The following GALNT18 variants were observed in gnomAD, a reference collection of about 807,000 sequenced individuals.
The protein encoded by GALNT18 is polypeptide N-acetylgalactosaminyltransferase 18.
A neutral mutation model predicts 69.5 loss-of-function variants in GALNT18; 44 were observed. The ratio of observed to expected loss-of-function variants is 0.63; its 90% CI spans 0.50 to 0.81. The LOEUF (loss-of-function observed/expected upper bound fraction) is 0.81, where lower values mean the gene tolerates loss of function less well. Ranked by LOEUF, GALNT18 falls within the 40% of genes least tolerant of loss-of-function variation. The pLI, the probability that GALNT18 is intolerant of heterozygous loss-of-function variation, is 0.00. For missense variants in GALNT18, 715 were observed against 810.0 expected, an observed-to-expected ratio of 0.88 and a Z score of 1.42; for synonymous variants, 364 against 318.2, an observed-to-expected ratio of 1.14 and a Z score of -1.53.
chr11:11,530,152 G>A (rs1374869551), intron 1 of GALNT18, among the ~76,000 whole-genome samples: 1 of 152,170 alleles, frequency 6.6e-6, no homozygotes, highest in East Asian at 1.9e-4. Context: ...AAGGAGGCCA[G>A]GCCAGCCAGA....
chr11:11,288,285 T>G (rs1387078047), intron 10 of GALNT18, among the ~76,000 whole-genome samples: 1 of 152,172 alleles, frequency 6.6e-6, no homozygotes, highest in Admixed American at 6.5e-5. Context: ...CAACAGACAA[T>G]GGATTCCTAC....
At position 11,461,481 on chromosome 11, in the gene GALNT18, G is replaced by A. The variant is rs1856041557; in HGVS notation, c.236-12545C>T. On this transcript the variant is annotated intron_variant, in intron 1 of 10. Transcript: ENST00000227756. This position sits in a 1 kb window ranked among gnomAD's most constrained non-coding sequence, Gnocchi z 4.1. Reference sequence around the variant, plus strand: ...TCAGAATTTATATGTGCCATTACTTGCTACTTTAAAGCAACCTTTAAAGCT... The same window carrying A: ...TCAGAATTTATATGTGCCATTACTTACTACTTTAAAGCAACCTTTAAAGCT... Among the ~76,000 whole-genome samples the A allele has an allele frequency of 6.6e-6, 1 of 152,156 alleles. No individual in the cohort carries two copies. The highest frequency in any genetic ancestry group is 6.5e-5 in the Admixed American group (1 of 15,278).
chr11:11,452,339 CCTT>C (rs1164303051), intron 1 of GALNT18, among the ~76,000 whole-genome samples: 4 of 152,206 alleles, frequency 2.6e-5, no homozygotes, highest in Admixed American at 2.0e-4. Context: ...AACAATAGTG[CCTT>C]CTTCATAGAA....
rs1214656457 is a variant in GALNT18 at position 11,318,228 on chromosome 11, CA to C, written c.1512+8857del. On this transcript the variant is annotated intron_variant, in intron 9 of 10. Coordinates refer to ENST00000227756, the MANE Select transcript of GALNT18 (RefSeq NM_198516.3). The surrounding 1 kb of genome is among the most constrained non-coding windows in gnomAD (Gnocchi z 5.1). ...GGAGGTGAACTGGGTTGGATTGTGT[CA>C]CCCCAAAATTCATATGTTAAAGTCC... Among the ~76,000 whole-genome samples, 1 of 152,126 alleles carries C rather than the reference CA, an allele frequency of 6.6e-6. No homozygotes were observed. Among genetic ancestry groups the C allele is most frequent in the African/African-American group, 2.4e-5 (1 of 41,422 alleles).
In GALNT18 at chr11:11,383,908, A is replaced by G. The variant is rs1380634306; in HGVS notation, c.596-4644T>C. 3.3e-5 allele frequency among the ~76,000 whole-genome samples: 5 copies of G among 151,950 alleles called. No individual in the cohort carries two copies. The highest frequency in any genetic ancestry group is 1.3e-4 in the Admixed American group (2 of 15,252). ...GACTGTTTCTCCTTCACCTTCTGCC[A>G]TAATTGTAAGTTTCCTGAGGCCTCC... On this transcript the variant is annotated intron_variant, in intron 3 of 10. Transcript: ENST00000227756. The surrounding 1 kb of genome is among the most constrained non-coding windows in gnomAD (Gnocchi z 5.2).
intron 1 of GALNT18, among the ~76,000 whole-genome samples, chr11:11,534,791 C>G (rs1857737901): frequency 6.6e-6 from 1 of 152,260 alleles, no homozygotes; most frequent in African/African-American, 2.4e-5. Context: ...ACTGCAGACA[C>G]AAATTTCTCC....
At chr11:11,570,834 T>A (rs987950287) in intron 1 of GALNT18, among the ~76,000 whole-genome samples, 13 of 152,192 alleles carry the variant, frequency 8.5e-5, no homozygotes, top group Non-Finnish European at 1.9e-4. Flanking sequence ...TGTTGAACAA[T>A]GGAATGAACA....
chr11:11,548,315 C>T (rs568620095), intron 1 of GALNT18, among the ~76,000 whole-genome samples: 2 of 152,142 alleles, frequency 1.3e-5, no homozygotes, highest in African/African-American at 4.8e-5. Flanking sequence ...GCATGGAACA[C>T]CCTAGTGAGA....
chr11:11,598,477 C>T lies in GALNT18; in HGVS notation c.235+22882G>A, dbSNP rs767241065. Among the ~76,000 whole-genome samples, 1 of 152,166 alleles carries T rather than the reference C, an allele frequency of 6.6e-6. No individual in the cohort carries two copies. The highest frequency in any genetic ancestry group is 1.5e-5 in the Non-Finnish European group (1 of 68,036). On this transcript the variant is annotated intron_variant, in intron 1 of 10. Transcript: ENST00000227756. The surrounding 1 kb of genome is among the most constrained non-coding windows in gnomAD (Gnocchi z 4.8). ...TCACTCCAAAATCAGCCTTCATTTT[C>T]ATGTGTGTGTAACCTTCCTCTGCTT...
At chr11:11,441,699 C>T (rs571612111) in intron 2 of GALNT18, among the ~76,000 whole-genome samples, 41 of 152,298 alleles carry the variant, frequency 2.7e-4, no homozygotes, top group South Asian at 6.2e-4. Context: ...GAGCAGGTGA[C>T]GGCTCGTGAA....
rs1854324652 is a variant in GALNT18, at chr11:11,396,271, T to C, written c.596-17007A>G. On this transcript the variant is annotated intron_variant, in intron 3 of 10. Coordinates refer to ENST00000227756, the MANE Select transcript of GALNT18 (RefSeq NM_198516.3). The surrounding 1 kb of genome is among the most constrained non-coding windows in gnomAD (Gnocchi z 5.2). Reference sequence around the variant, plus strand: ...GTGGTGTTCGCAAACAGTGTTTGGCTTTCTCGATTCTGGCCTGGGATCCAC... The same window carrying C: ...GTGGTGTTCGCAAACAGTGTTTGGCCTTCTCGATTCTGGCCTGGGATCCAC... Among the ~76,000 whole-genome samples the C allele has an allele frequency of 6.6e-6, 1 of 152,238 alleles. No individual in the cohort carries two copies. The highest frequency in any genetic ancestry group is 1.5e-5 in the Non-Finnish European group (1 of 68,044).
rs938174200 is a variant in GALNT18 at position 11,463,797 on chromosome 11, G to A, written c.236-14861C>T. ...ACAAAATCCATTTCTTGAGCATGACGGTAAAAATATTTATCACATGAAAGA... is the reference window on the plus strand; with the variant it reads ...ACAAAATCCATTTCTTGAGCATGACAGTAAAAATATTTATCACATGAAAGA... On this transcript the variant is annotated intron_variant, in intron 1 of 10. Transcript: ENST00000227756. The surrounding 1 kb of genome is among the most constrained non-coding windows in gnomAD (Gnocchi z 4.2). 2.0e-5 allele frequency among the ~76,000 whole-genome samples: 3 copies of A among 152,086 alleles called. No homozygotes were observed. Among genetic ancestry groups the A allele is most frequent in the Admixed American group, 6.6e-5 (1 of 15,266 alleles).
chr11:11,514,011 T>G (rs959458537), intron 1 of GALNT18, among the ~76,000 whole-genome samples: 1 of 152,158 alleles, frequency 6.6e-6, no homozygotes, highest in Non-Finnish European at 1.5e-5. Context: ...GAGAAGCCAC[T>G]GGGAGTGAGG....
At chr11:11,615,231 A>T (rs1031139375) in intron 1 of GALNT18, among the ~76,000 whole-genome samples, 1 of 152,232 alleles carries the variant, frequency 6.6e-6, no homozygotes, top group African/African-American at 2.4e-5. Context: ...TCTAAGTAAC[A>T]TCCATAAGCT....
chr11:11,372,693 AG>A lies in GALNT18; in HGVS notation c.978-65del. 1 of 1,248,620 alleles carries A rather than the reference AG, an allele frequency of 8.0e-7. No homozygotes were observed. The highest frequency in any genetic ancestry group is 2.4e-5 in the East Asian group (1 of 42,290). The allele number at this position is 1,248,620 out of a possible 1,614,324, so 77.3% of individuals were successfully genotyped here. ...AGCTGTCCGAGGAGTAAGAGCAGTAAGGCCTTCCTATCAGGAGGGTCTGGTT... is the reference window on the plus strand; with the variant it reads ...AGCTGTCCGAGGAGTAAGAGCAGTAAGCCTTCCTATCAGGAGGGTCTGGTT... On this transcript the variant is annotated intron_variant, in intron 5 of 10. Coordinates refer to ENST00000227756, the MANE Select transcript of GALNT18 (RefSeq NM_198516.3). The surrounding 1 kb of genome is among the most constrained non-coding windows in gnomAD (Gnocchi z 4.9).
intron 6 of GALNT18, among the ~76,000 whole-genome samples, chr11:11,360,289 C>G (rs1850616972): frequency 6.6e-6 from 1 of 152,224 alleles, no homozygotes; most frequent in South Asian, 2.1e-4. Context: ...CACCTAACTT[C>G]CGCAGGTGGA....
rs1038324131 is a variant in GALNT18, at chr11:11,432,243, C to T, written c.595+378G>A. Among the ~76,000 whole-genome samples the T allele has an allele frequency of 3.3e-5, 5 of 152,220 alleles. No individual in the cohort carries two copies. Among genetic ancestry groups the T allele is most frequent in the African/African-American group, 9.6e-5 (4 of 41,466 alleles). On this transcript the variant is annotated intron_variant, in intron 3 of 10. Coordinates refer to ENST00000227756, the MANE Select transcript of GALNT18 (RefSeq NM_198516.3). The surrounding 1 kb of genome is among the most constrained non-coding windows in gnomAD (Gnocchi z 5.8). ...CCACTGCTAACATAACACCAGTGAA[C>T]AATCTTCCAGGCAGAGGCTGTGGAA... is the stretch of plus-strand genomic sequence containing the variant.
Position 11,563,696 on chromosome 11 carries a change from T to G in GALNT18, c.235+57663A>C, listed in dbSNP as rs1469697010. Among the ~76,000 whole-genome samples the G allele has an allele frequency of 6.6e-6, 1 of 152,172 alleles. No homozygotes were observed. The highest frequency in any genetic ancestry group is 1.5e-5 in the Non-Finnish European group (1 of 68,040). On this transcript the variant is annotated intron_variant, in intron 1 of 10. Coordinates refer to ENST00000227756, the MANE Select transcript of GALNT18 (RefSeq NM_198516.3). The surrounding 1 kb of genome is among the most constrained non-coding windows in gnomAD (Gnocchi z 4.6). Reference sequence around the variant, plus strand: ...GGCAAGTGGGATTCAAACCCAGGCTTCCCAACGCCAAGTCTAACACTCTCT... The same window carrying G: ...GGCAAGTGGGATTCAAACCCAGGCTGCCCAACGCCAAGTCTAACACTCTCT...
At chr11:11,303,666 A>G (rs1487663222) in intron 9 of GALNT18, among the ~76,000 whole-genome samples, 1 of 152,050 alleles carries the variant, frequency 6.6e-6, no homozygotes, top group Non-Finnish European at 1.5e-5. Flanking sequence ...TGGGGACTCC[A>G]CATCTGACAG....
Sources: gnomAD v4.1 joint callset for allele counts (sites outside exome capture counted in the v4.1 genomes callset) on GRCh38, gnomAD v4.1.1 for gene constraint, Gnocchi (gnomAD v3.1) non-coding constraint, MANE v1.5 for transcripts, NCBI Gene and HGNC (gene_info 2026-07-23, HGNC 2026-07-21) for gene names.